Variants in HEMK2 observed in about 807,000 individuals in gnomAD.
The protein encoded by HEMK2 is methyltransferase HEMK2.
chr21:28,703,800 T>G, the HEMK2 span, among the ~76,000 whole-genome samples: 4 of 152,204 alleles, frequency 2.6e-5, no homozygotes, highest in Admixed American at 6.5e-5. Context: ...CGTGTAAAAT[T>G]TATTGGATGC....
chr21:28,872,476 C>A, the HEMK2 span: 1 of 152,228 alleles, frequency 6.6e-6, no homozygotes, highest in South Asian at 2.1e-4. Flanking sequence ...GCACAATGAC[C>A]TAGGCAAGTC....
the HEMK2 span, among the ~76,000 whole-genome samples, chr21:28,725,593 T>C: frequency 1.3e-5 from 2 of 152,186 alleles, no homozygotes; most frequent in Non-Finnish European, 2.9e-5. Context: ...AGGGCTTAGG[T>C]GCTGCCAACT....
chr21:28,686,325 C>T, the HEMK2 span, among the ~76,000 whole-genome samples: 1 of 152,138 alleles, frequency 6.6e-6, no homozygotes, highest in African/African-American at 2.4e-5. Context: ...ACCTCTGCCT[C>T]CCAGGTTCAA....
chr21:28,728,605 T>TA, the HEMK2 span, among the ~76,000 whole-genome samples: 15 of 152,074 alleles, frequency 9.9e-5, no homozygotes, highest in East Asian at 1.2e-3. Context: ...AGTATTAGCT[T>TA]AAAAAAAATG....
the HEMK2 span, among the ~76,000 whole-genome samples, chr21:28,856,757 G>A: frequency 1.3e-5 from 2 of 152,334 alleles, no homozygotes; most frequent in Non-Finnish European, 2.9e-5. Context: ...GCCAAGGAAA[G>A]TGTACTTTTC....
the HEMK2 span, among the ~76,000 whole-genome samples, chr21:28,731,941 G>A: frequency 1.3e-5 from 2 of 152,184 alleles, no homozygotes; most frequent in Admixed American, 6.5e-5. Flanking sequence ...CCACACAGAG[G>A]TGGTGACATG....
At chr21:28,631,292 A>T in the HEMK2 span, among the ~76,000 whole-genome samples, 1 of 152,226 alleles carries the variant, frequency 6.6e-6, no homozygotes, top group Non-Finnish European at 1.5e-5. Context: ...TATTGTAAAA[A>T]TTCTGGAAAT....
chr21:28,786,583 A>G, the HEMK2 span, among the ~76,000 whole-genome samples: 2 of 151,978 alleles, frequency 1.3e-5, no homozygotes, highest in Non-Finnish European at 2.9e-5. Flanking sequence ...AAGCACAAGA[A>G]TCACTTAAAC....
the HEMK2 span, among the ~76,000 whole-genome samples, chr21:28,636,584 C>T: frequency 6.6e-6 from 1 of 152,164 alleles, no homozygotes; most frequent in Non-Finnish European, 1.5e-5. Flanking sequence ...CTGCCTCCCA[C>T]TGCACCACTG....
chr21:28,734,746 C>T, the HEMK2 span, among the ~76,000 whole-genome samples: 3 of 152,184 alleles, frequency 2.0e-5, no homozygotes, highest in African/African-American at 7.2e-5. Flanking sequence ...TCAGTTCCAA[C>T]CTTTCTAAAT....
chr21:28,691,116 G>T, the HEMK2 span, among the ~76,000 whole-genome samples: 8 of 152,168 alleles, frequency 5.3e-5, no homozygotes, highest in African/African-American at 1.9e-4. Flanking sequence ...TGAATACCTA[G>T]ATCGTATTTC....
the HEMK2 span, among the ~76,000 whole-genome samples, chr21:28,801,347 T>G: frequency 6.6e-6 from 1 of 152,244 alleles, no homozygotes; most frequent in Admixed American, 6.5e-5. Flanking sequence ...TACAAATGGA[T>G]CGAATATTTT....
chr21:28,687,041 A>T, the HEMK2 span, among the ~76,000 whole-genome samples: 1 of 152,234 alleles, frequency 6.6e-6, no homozygotes, highest in Non-Finnish European at 1.5e-5. Context: ...TCAGAGGTTG[A>T]ACAAAAGGAT....
At chr21:28,641,630 G>C in the HEMK2 span, among the ~76,000 whole-genome samples, 33,133 of 152,088 alleles carry the variant, frequency 0.22, 4,006 homozygotes, top group East Asian at 0.39. Flanking sequence ...TGGACACCCA[G>C]CAAAACATAA....
chr21:28,630,673 G>A, the HEMK2 span, among the ~76,000 whole-genome samples: 456 of 148,314 alleles, frequency 3.1e-3, 2 homozygotes, highest in African/African-American at 0.011. Flanking sequence ...GCAAACTATC[G>A]CAAGGACAAA....
At chr21:28,721,900 T>TCACACACACA in the HEMK2 span, among the ~76,000 whole-genome samples, 11 of 127,372 alleles carry the variant, frequency 8.6e-5, no homozygotes, top group Middle Eastern at 3.8e-3. Context: ...TTCTTAACCA[T>TCACACACACA]CACACACACA....
At chr21:28,648,959 T>C in the HEMK2 span, among the ~76,000 whole-genome samples, 2 of 130,150 alleles carry the variant, frequency 1.5e-5, no homozygotes, top group Non-Finnish European at 1.5e-5. Context: ...CAACAGGCCC[T>C]GGTGTGTGAT....
the HEMK2 span, among the ~76,000 whole-genome samples, chr21:28,841,146 AATT>A: frequency 4.7e-5 from 1 of 21,120 alleles, no homozygotes; most frequent in Non-Finnish European, 7.0e-5. Flanking sequence ...TAATTTATAT[AATT>A]ATAATTTATA....
At chr21:28,750,573 C>T in the HEMK2 span, among the ~76,000 whole-genome samples, 8,697 of 152,016 alleles carry the variant, frequency 0.057, 336 homozygotes, top group Middle Eastern at 0.092. Flanking sequence ...TGGTGATACA[C>T]ACCTGTAATC....
Sources: gnomAD v4.1 joint callset for allele counts (sites outside exome capture counted in the v4.1 genomes callset) on GRCh38, gnomAD v4.1.1 for gene constraint, MANE v1.5 for transcripts, NCBI Gene and HGNC (gene_info 2026-07-23, HGNC 2026-07-21) for gene names.